The following GOLGA4 variants were observed in gnomAD, a reference collection of about 807,000 sequenced individuals.
The protein encoded by GOLGA4 is golgin subfamily A member 4.
Under a neutral mutation model 265.9 loss-of-function variants are expected in GOLGA4, and 169 were observed. That is an observed-to-expected ratio of 0.64 (90% CI 0.56 to 0.72). GOLGA4 has a LOEUF of 0.72. Ranked by LOEUF, GOLGA4 falls within the 30% of genes least tolerant of loss-of-function variation. GOLGA4 has a pLI of 0.00. For missense variants in GOLGA4, 2,482 were observed against 2,483.4 expected, an observed-to-expected ratio of 1.00 and a Z score of 0.01; for synonymous variants, 923 against 855.8, an observed-to-expected ratio of 1.08 and a Z score of -1.37.
intron 1 of GOLGA4, among the ~76,000 whole-genome samples, chr3:37,245,800 G>A (rs2096717774): frequency 6.6e-6 from 1 of 152,000 alleles, no homozygotes; most frequent in Non-Finnish European, 1.5e-5. Context: ...CGGACCTCTG[G>A]TGATCCGCCA....
intron 10 of GOLGA4, among the ~76,000 whole-genome samples, chr3:37,305,748 T>C (rs888582082): frequency 4.6e-5 from 7 of 152,228 alleles, no homozygotes; most frequent in Non-Finnish European, 1.0e-4. Context: ...AAAACTCTTA[T>C]CTAGAAAATA....
chr3:37,296,405 A>C (rs2096878504), intron 7 of GOLGA4, among the ~76,000 whole-genome samples, 186 bp downstream of exon 7: 1 of 152,114 alleles, frequency 6.6e-6, no homozygotes, highest in South Asian at 2.1e-4. Context: ...AACAAAAATG[A>C]AACCCCAAGA....
rs2096708205 is a variant in GOLGA4 at position 37,243,452 on chromosome 3, C to T, written c.-99C>T. 1 of 999,500 alleles carries T rather than the reference C, an allele frequency of 1.0e-6. No individual in the cohort carries two copies. Among genetic ancestry groups the T allele is most frequent in the Non-Finnish European group, 1.6e-6 (1 of 626,196 alleles). The allele number at this position is 999,500 out of a possible 1,614,324, so 61.9% of individuals were successfully genotyped here. A position where few individuals can be genotyped will look rare whatever the true frequency, so the allele number is the denominator to read the frequency against. ...ACGGCGAGGCCCGGCCCCCGCTGTCCCTGGTGTAAAGAAGTCGCCGTAGCC... is the reference window on the plus strand; with the variant it reads ...ACGGCGAGGCCCGGCCCCCGCTGTCTCTGGTGTAAAGAAGTCGCCGTAGCC... On this transcript the variant is annotated 5_prime_UTR_variant, in exon 1 of 24. Coordinates refer to ENST00000361924, the MANE Select transcript of GOLGA4 (RefSeq NM_002078.5).
At position 37,337,181 on chromosome 3, in the gene GOLGA4, T is replaced by C; in HGVS notation, c.6327+18T>C. The C allele has an allele frequency of 7.8e-7, 1 of 1,282,118 alleles. No homozygotes were observed. Among genetic ancestry groups the C allele is most frequent in the Non-Finnish European group, 1.1e-6 (1 of 919,308 alleles). 79.4% of individuals were successfully genotyped at this position (1,282,118 alleles called of 1,614,324 possible). A position where few individuals can be genotyped will look rare whatever the true frequency, so the allele number is the denominator to read the frequency against. On this transcript the variant is annotated intron_variant, in intron 18 of 23. Transcript: ENST00000361924. ...AGCTACAGGTAAGGCTAGTTCTTCT[T>C]TTTTTTTTTTTCTTTTTTTTCTTTG...
intron 16 of GOLGA4, among the ~76,000 whole-genome samples, chr3:37,332,520 C>CA (rs950707239): frequency 2.6e-5 from 4 of 151,376 alleles, no homozygotes; most frequent in African/African-American, 9.7e-5. Context: ...AGAAAAACAA[C>CA]AAAAAAAATT....
At position 37,353,761 on chromosome 3, in the gene GOLGA4, T is replaced by A. The variant is rs143945364; in HGVS notation, c.6577-1340T>A. 9.8e-3 allele frequency among the ~76,000 whole-genome samples: 1,487 copies of A among 152,142 alleles called. 32 individuals are homozygous for A. The highest frequency in any genetic ancestry group is 0.034 in the African/African-American group (1,422 of 41,528). ...AATAGCCATAATCCTGGCTAATTTTTAAAATTTTTTGTAGAGATGGGGGTC... is the reference window on the plus strand; with the variant it reads ...AATAGCCATAATCCTGGCTAATTTTAAAAATTTTTTGTAGAGATGGGGGTC... On this transcript the variant is annotated intron_variant, in intron 21 of 23. Coordinates refer to ENST00000361924, the MANE Select transcript of GOLGA4 (RefSeq NM_002078.5).
intron 16 of GOLGA4, among the ~76,000 whole-genome samples, chr3:37,333,552 A>G (rs1184088649): frequency 1.3e-5 from 2 of 152,220 alleles, no homozygotes; most frequent in Non-Finnish European, 2.9e-5. Context: ...GCTAATTGTC[A>G]TATTAGAAAC....
chr3:37,303,962 G>T (rs2096899735), intron 10 of GOLGA4, among the ~76,000 whole-genome samples: 2 of 152,120 alleles, frequency 1.3e-5, no homozygotes, highest in Non-Finnish European at 2.9e-5. Flanking sequence ...TAGAAGTTAA[G>T]TAATTTACCT....
chr3:37,298,962 A>T lies in GOLGA4; in HGVS notation c.944A>T (p.Glu315Val). The T allele has an allele frequency of 6.2e-7, 1 of 1,606,736 alleles. No homozygotes were observed. ...HKEQCTLLTS[E>V]KEALQEQLDE... ...GAACAATGTACACTATTAACTAGTG[A>T]AAAAGAAGCTCTGCAAGAACAACTG... The change falls in exon 8 of 24, where the codon GAA becomes GTA. Residue 315 changes from glutamate (E) to valine (V), a missense_variant. By Grantham distance (121) the Glu-to-Val change is moderately radical (BLOSUM62 -2). Transcript: ENST00000361924.
Position 37,255,254 on chromosome 3 carries a change from G to A in GOLGA4, c.162+3770G>A, listed in dbSNP as rs1313168858. Among the ~76,000 whole-genome samples the A allele has an allele frequency of 3.9e-5, 6 of 151,908 alleles. No homozygotes were observed. The East Asian group carries it at 1.2e-3, about 29-fold the overall frequency. On this transcript the variant is annotated intron_variant, in intron 2 of 23. Transcript: ENST00000361924. ...CAGCTCACTGCAACCTCCACCTCCCGGGTTCAAGCAATTCTCCCTGCCTCA... is the reference window on the plus strand; with the variant it reads ...CAGCTCACTGCAACCTCCACCTCCCAGGTTCAAGCAATTCTCCCTGCCTCA...
At chr3:37,359,209 G>A (rs1331709462) in intron 22 of GOLGA4, among the ~76,000 whole-genome samples, 5 of 152,070 alleles carry the variant, frequency 3.3e-5, no homozygotes, top group East Asian at 1.9e-4. Flanking sequence ...CTGGATATTC[G>A]AGTAGCACAA....
intron 9 of GOLGA4, among the ~76,000 whole-genome samples, chr3:37,300,709 T>G (rs893233212): frequency 3.3e-5 from 5 of 152,150 alleles, no homozygotes; most frequent in African/African-American, 1.2e-4. Flanking sequence ...TTTTAATATA[T>G]CTTTAAAATA....
intron 12 of GOLGA4, among the ~76,000 whole-genome samples, chr3:37,321,413 A>G (rs1407330863): frequency 3.3e-5 from 5 of 152,234 alleles, no homozygotes; most frequent in Non-Finnish European, 7.3e-5. Flanking sequence ...TCTGGAGTGT[A>G]GAGATGAGGT....
At chr3:37,343,372 C>T (rs1462658681) in intron 20 of GOLGA4, among the ~76,000 whole-genome samples, 15 of 152,096 alleles carry the variant, frequency 9.9e-5, no homozygotes, top group East Asian at 7.7e-4. Flanking sequence ...CCGCCTGCCT[C>T]GGCCTCCCAA....
intron 7 of GOLGA4, among the ~76,000 whole-genome samples, chr3:37,297,298 C>T (rs1015183448): frequency 1.3e-5 from 2 of 152,086 alleles, no homozygotes; most frequent in Non-Finnish European, 2.9e-5. Flanking sequence ...TCTGAGCAAC[C>T]AGACTATGGT....
rs755656252 is a variant in GOLGA4 at position 37,323,878 on chromosome 3, C to T, written c.1992C>T (p.Phe664=). 1.7e-5 allele frequency: 28 copies of T among 1,613,012 alleles called. No homozygotes were observed. The Admixed American group carries it at 3.3e-4, about 19-fold the overall frequency. ...TGTTGAAAGACAAAGAGATTATCTT[C>T]CAGGCCCACATAGAAGAAATGAATG... ...ETLLKDKEII[F]QAHIEEMNEK... is the part of the protein sequence containing the mutation. Residue 664 remains phenylalanine (F), a synonymous_variant, in exon 14 of 24, where the codon TTC becomes TTT. Coordinates refer to ENST00000361924, the MANE Select transcript of GOLGA4 (RefSeq NM_002078.5).
intron 4 of GOLGA4, among the ~76,000 whole-genome samples, chr3:37,286,892 G>A (rs552024292): frequency 1.7e-4 from 26 of 152,292 alleles, no homozygotes; most frequent in African/African-American, 6.3e-4. Context: ...TATTCAGGGT[G>A]ACCCACCTTG....
chr3:37,255,002 A>G (rs980984685), intron 2 of GOLGA4, among the ~76,000 whole-genome samples: 9 of 150,852 alleles, frequency 6.0e-5, no homozygotes, highest in Non-Finnish European at 8.9e-5. Flanking sequence ...ATAGCATTTT[A>G]AATGTATATC....
intron 3 of GOLGA4, among the ~76,000 whole-genome samples, chr3:37,282,815 T>A (rs1302757991): frequency 6.6e-6 from 1 of 152,218 alleles, no homozygotes; most frequent in South Asian, 2.1e-4. Flanking sequence ...CCCTGTTTGG[T>A]CTAAGGGAGG....
Sources: allele counts gnomAD v4.1 joint callset (sites outside exome capture counted in the v4.1 genomes callset), GRCh38; gene constraint gnomAD v4.1.1; transcripts MANE v1.5; gene names NCBI Gene and HGNC (gene_info 2026-07-23, HGNC 2026-07-21).